NPFFR1: variants seen among roughly 807,000 people sequenced by gnomAD.
NPFFR1 encodes the protein neuropeptide FF receptor 1.
In NPFFR1, 17 loss-of-function variants were observed where a neutral mutation model predicts 12.7. The observed-to-expected ratio is 1.34, with a 90% CI of 0.92 to 2.01. The LOEUF (loss-of-function observed/expected upper bound fraction) is 2.01. Among genes scored for constraint, NPFFR1 ranks in the 30% most tolerant of loss-of-function variants. NPFFR1 has a pLI of 0.00. For synonymous variants in NPFFR1, 296 were observed against 264.5 expected, an observed-to-expected ratio of 1.12 and a Z score of -1.16; for missense variants, 604 against 606.5, an observed-to-expected ratio of 1.00 and a Z score of 0.04.
chr10:70,273,937 A>G (rs1840775129), intron 1 of NPFFR1, among the ~76,000 whole-genome samples: 1 of 152,120 alleles, frequency 6.6e-6, no homozygotes, highest in African/African-American at 2.4e-5. Flanking sequence ...AGTGTTAGAG[A>G]TGGGCAGGGG....
chr10:70,260,816 G>C, intron 2 of NPFFR1, 77 bp from the exon 3 acceptor site: 2 of 1,241,566 alleles, frequency 1.6e-6, no homozygotes, highest in African/African-American at 1.5e-5. Flanking sequence ...CTCCAAGCCA[G>C]GTCCCCTCTG....
chr10:70,259,299 A>G (rs572911700), intron 3 of NPFFR1, among the ~76,000 whole-genome samples: 4 of 152,024 alleles, frequency 2.6e-5, no homozygotes, highest in South Asian at 2.1e-4. Context: ...TCAAAAAAAA[A>G]AAAGAAAGAA....
At chr10:70,263,430 GC>G (rs1427052530) in intron 2 of NPFFR1, among the ~76,000 whole-genome samples, 3 of 151,940 alleles carry the variant, frequency 2.0e-5, no homozygotes, top group African/African-American at 7.3e-5. Context: ...CCACGACCAC[GC>G]CCGGCTAATT....
chr10:70,265,662 T>G (rs1013782457), intron 2 of NPFFR1, among the ~76,000 whole-genome samples: 8 of 151,966 alleles, frequency 5.3e-5, no homozygotes, highest in African/African-American at 1.9e-4. Flanking sequence ...CGTGAGAGAG[T>G]GGGACTGAAT....
At chr10:70,256,169 G>A (rs1360712182) in intron 3 of NPFFR1, among the ~76,000 whole-genome samples, 2 of 151,474 alleles carry the variant, frequency 1.3e-5, no homozygotes. Flanking sequence ...CACCTCCCGG[G>A]CTCAAGTGAT....
intron 2 of NPFFR1, among the ~76,000 whole-genome samples, chr10:70,262,536 T>C (rs1460637176): frequency 2.0e-5 from 3 of 152,190 alleles, no homozygotes; most frequent in African/African-American, 7.2e-5. Flanking sequence ...CAGAAGTATG[T>C]TAGCAATAAT....
chr10:70,260,904 C>T (rs1840626699), intron 2 of NPFFR1, among the ~76,000 whole-genome samples, 165 bp from the exon 3 acceptor site: 1 of 151,998 alleles, frequency 6.6e-6, no homozygotes, highest in Admixed American at 6.6e-5. Context: ...AGGAACCAAC[C>T]AGCCCATAAA....
intron 1 of NPFFR1, among the ~76,000 whole-genome samples, chr10:70,272,211 G>GAAAGA (rs10664195): frequency 1.3e-3 from 70 of 55,866 alleles, no homozygotes; most frequent in African/African-American, 5.1e-3. Flanking sequence ...AAGAAAGAAA[G>GAAAGA]GAAAGAAAGA....
chr10:70,273,540 G>C (rs934248889), intron 1 of NPFFR1, among the ~76,000 whole-genome samples: 1 of 152,136 alleles, frequency 6.6e-6, no homozygotes, highest in Non-Finnish European at 1.5e-5. Context: ...AGGCAGTGTT[G>C]GGCATCAGGT....
Position 70,248,502 on chromosome 10 carries a change from T to TTTTTTTA in NPFFR1, c.*6454_*6455insTAAAAAA, listed in dbSNP as rs1840478259. On this transcript the variant is annotated 3_prime_UTR_variant, in exon 4 of 4. Coordinates refer to ENST00000277942, the MANE Select transcript of NPFFR1 (RefSeq NM_022146.5). ...TGTTTTTTGTTTTTTTTTTTTTTTT[T>TTTTTTTA]TGAGATGGAGTCTCACTCTGTTGCC... The TTTTTTTA allele has an allele frequency of 7.4e-6, 1 of 135,376 alleles. No individual in the cohort carries two copies. The highest frequency in any genetic ancestry group is 7.7e-5 in the Admixed American group (1 of 12,936). 8.4% of individuals were successfully genotyped at this position (135,376 alleles called of 1,614,324 possible).
At chr10:70,274,640 T>G (rs56353310) in intron 1 of NPFFR1, among the ~76,000 whole-genome samples, 71,998 of 152,012 alleles carry the variant, frequency 0.47, 17,104 homozygotes, top group African/African-American at 0.5. Context: ...CAAAGAGAAC[T>G]GGGGAGATCT....
rs1048590002 is a variant in NPFFR1 at position 70,248,092 on chromosome 10, C to A, written c.*6865G>T. ...TCAAGGCTCTTTCTTTTACTCTGAA[C>A]CTCAGTTTCCCAGATGTAGGAAGGA... On this transcript the variant is annotated 3_prime_UTR_variant, in exon 4 of 4. Coordinates refer to ENST00000277942, the MANE Select transcript of NPFFR1 (RefSeq NM_022146.5). 3 of 152,098 alleles carry A rather than the reference C, an allele frequency of 2.0e-5. No homozygotes were observed. The highest frequency in any genetic ancestry group is 7.2e-5 in the African/African-American group (3 of 41,408). The allele number at this position is 152,098 out of a possible 1,614,324, so 9.4% of individuals were successfully genotyped here. A position where few individuals can be genotyped will look rare whatever the true frequency, so the allele number is the denominator to read the frequency against.
In NPFFR1 at chr10:70,257,910, C is replaced by T. The variant is rs192305189; in HGVS notation, c.423-2083G>A. 6.3e-4 allele frequency among the ~76,000 whole-genome samples: 96 copies of T among 152,330 alleles called. 1 individual carries two copies. The highest frequency in any genetic ancestry group is 2.9e-3 in the East Asian group (15 of 5,182). ...TCTGGCTTACGTGCACGTCCAGTCA[C>T]AGTACCTTCCCTTGAACTTAATTAT... On this transcript the variant is annotated intron_variant, in intron 3 of 3. Coordinates refer to ENST00000277942, the MANE Select transcript of NPFFR1 (RefSeq NM_022146.5).
At position 70,266,212 on chromosome 10, in the gene NPFFR1, G is replaced by C. The variant is rs373899329; in HGVS notation, c.187C>G (p.Leu63Val). The C allele has an allele frequency of 6.2e-7, 1 of 1,613,922 alleles. No individual in the cohort carries two copies. Among genetic ancestry groups the C allele is most frequent in the Non-Finnish European group, 8.5e-7 (1 of 1,179,906 alleles). Residue 63 changes from leucine to valine, a missense_variant, in exon 2 of 4, where the codon CTG becomes GTG. Physicochemically the swap from Leu to Val is conservative, Grantham distance 32. Transcript: ENST00000277942. ...IFLLCMVGNT[L>V]VCFIVLKNRH... is the part of the protein sequence containing the mutation. ...TTCTTGAGCACGATGAAACAGACCA[G>C]GGTGTTGCCCACCATGCAGAGCAGG... is the stretch of plus-strand genomic sequence containing the variant.
In NPFFR1 at chr10:70,267,008, G is replaced by A. The variant is rs115654719; in HGVS notation, c.8-617C>T. ...GTTGTGAGTCCCTGGGTGCTTCACC[G>A]TTTCTGGCTGGTTCTCTTAACCCTC... On this transcript the variant is annotated intron_variant, in intron 1 of 3. Coordinates refer to ENST00000277942, the MANE Select transcript of NPFFR1 (RefSeq NM_022146.5). Among the ~76,000 whole-genome samples, 1,154 of 152,272 alleles carry A rather than the reference G, an allele frequency of 7.6e-3. 19 individuals carry two copies. Among genetic ancestry groups the A allele is most frequent in the African/African-American group, 0.026 (1,082 of 41,544 alleles).
intron 2 of NPFFR1, among the ~76,000 whole-genome samples, 172 bp from the exon 3 acceptor site, chr10:70,260,911 T>G (rs1186654674): frequency 6.6e-6 from 1 of 152,024 alleles, no homozygotes; most frequent in Non-Finnish European, 1.5e-5. Context: ...AACCAGCCCA[T>G]AAAACCATGG....
chr10:70,281,783 A>G (rs961419771), intron 1 of NPFFR1, among the ~76,000 whole-genome samples: 1 of 152,120 alleles, frequency 6.6e-6, no homozygotes, highest in African/African-American at 2.4e-5. Flanking sequence ...TTTTTATTTA[A>G]TTTACATAAT....
At position 70,253,763 on chromosome 10, in the gene NPFFR1, T is replaced by C. The variant is rs1219319820; in HGVS notation, c.*1194A>G. On this transcript the variant is annotated 3_prime_UTR_variant, in exon 4 of 4. Coordinates refer to ENST00000277942, the MANE Select transcript of NPFFR1 (RefSeq NM_022146.5). ...GGGAAATGTCCATTTAAGTGCAAGA[T>C]GAAGGGGCCTGTGAAAGGACCCTCC... 6.6e-6 allele frequency: 1 copy of C among 151,966 alleles called. No individual in the cohort carries two copies. Among genetic ancestry groups the C allele is most frequent in the African/African-American group, 2.4e-5 (1 of 41,216 alleles). The allele number at this position is 151,966 out of a possible 1,614,324, so 9.4% of individuals were successfully genotyped here.
At chr10:70,279,427 G>A (rs531795478) in intron 1 of NPFFR1, among the ~76,000 whole-genome samples, 13 of 151,528 alleles carry the variant, frequency 8.6e-5, no homozygotes, top group Admixed American at 7.2e-4. Context: ...AATTAGAGGC[G>A]TGAGCCACTG....
Sources: gnomAD v4.1 joint callset for allele counts (sites outside exome capture counted in the v4.1 genomes callset) on GRCh38, gnomAD v4.1.1 for gene constraint, MANE v1.5 for transcripts, NCBI Gene and HGNC (gene_info 2026-07-23, HGNC 2026-07-21) for gene names.